The following KCNAB1 variants were observed in gnomAD, a reference collection of about 807,000 sequenced individuals.
KCNAB1 encodes voltage-gated potassium channel subunit beta-1.
In KCNAB1, 35 loss-of-function variants were observed where a neutral mutation model predicts 64.6. The observed-to-expected ratio is 0.54, with a 90% confidence interval of 0.41 to 0.72. The LOEUF is 0.72. KCNAB1 is among the 30% of genes least tolerant of loss of function. The pLI, the probability that KCNAB1 is intolerant of heterozygous loss-of-function variation, is 0.00. For synonymous variants in KCNAB1, 177 were observed against 183.8 expected (o/e 0.96, Z 0.30); for missense variants, 401 against 512.9 (o/e 0.78, Z 2.11).
chr3:156,463,753 T>G lies in KCNAB1; in HGVS notation c.527+7T>G. On this transcript the variant is annotated splice_region_variant and intron_variant, in intron 6 of 13. Coordinates refer to ENST00000490337, the MANE Select transcript of KCNAB1 (RefSeq NM_172160.3). ...AACTCTACTGGGGTGGAAAGTAAGT[T>G]ATTTTTCCTACTAAACAGAAAACAA... 1 of 1,600,244 alleles carries G rather than the reference T, an allele frequency of 6.2e-7. No homozygotes were observed. Among genetic ancestry groups the G allele is most frequent in the Middle Eastern group, 1.7e-4 (1 of 6,022 alleles).
chr3:156,240,780 A>T (rs772036148), intron 1 of KCNAB1, among the ~76,000 whole-genome samples: 6 of 152,190 alleles, frequency 3.9e-5, no homozygotes, highest in African/African-American at 1.4e-4. Flanking sequence ...GTTTCCAAGG[A>T]TCAGGCCCTG....
intron 12 of KCNAB1, among the ~76,000 whole-genome samples, chr3:156,529,502 AAAG>A (rs1325567891): frequency 6.6e-6 from 1 of 151,874 alleles, no homozygotes; most frequent in Non-Finnish European, 1.5e-5. Context: ...AAAAAAAAAA[AAAG>A]AGCATGGTCC....
In KCNAB1 at chr3:156,352,528, A is replaced by G. The variant is rs1724924373; in HGVS notation, c.276-69088A>G. Among the ~76,000 whole-genome samples the G allele has an allele frequency of 2.0e-5, 3 of 152,122 alleles. No individual in the cohort carries two copies. In the South Asian group the frequency reaches 6.2e-4, roughly 32 times the overall value. On this transcript the variant is annotated intron_variant, in intron 1 of 13. Coordinates refer to ENST00000490337, the MANE Select transcript of KCNAB1 (RefSeq NM_172160.3). The stretch of plus-strand genomic sequence containing the variant: ...GGACTTTGGAGCTCATCCACTCCCA[A>G]TCCTCAGCTATGTTTGGGTCTTTCT...
chr3:156,227,129 C>G (rs1716225927), intron 1 of KCNAB1, among the ~76,000 whole-genome samples: 1 of 152,180 alleles, frequency 6.6e-6, no homozygotes, highest in South Asian at 2.1e-4. Context: ...CTAACTACTT[C>G]TTCGTCACAA....
At chr3:156,484,370 AGAG>A (rs1360241870) in intron 8 of KCNAB1, among the ~76,000 whole-genome samples, 4 of 151,524 alleles carry the variant, frequency 2.6e-5, no homozygotes, top group Non-Finnish European at 5.9e-5. Context: ...TTAAGAAAAA[AGAG>A]AGAGAGAGAG....
intron 1 of KCNAB1, among the ~76,000 whole-genome samples, chr3:156,188,709 T>G (rs1052256325): frequency 6.6e-6 from 1 of 152,372 alleles, no homozygotes; most frequent in Admixed American, 6.5e-5. Flanking sequence ...TAAAATATAC[T>G]TAACAACGTA....
chr3:156,171,159 A>G (rs1711953004), intron 1 of KCNAB1, among the ~76,000 whole-genome samples: 1 of 148,350 alleles, frequency 6.7e-6, no homozygotes, highest in Non-Finnish European at 1.5e-5. Flanking sequence ...GTCAACTCTG[A>G]GCACCGGCTT....
rs554792552 is a variant in KCNAB1, at chr3:156,393,623, T to C, written c.276-27993T>C. Among the ~76,000 whole-genome samples the C allele has an allele frequency of 3.9e-5, 6 of 152,336 alleles. No homozygotes were observed. In the South Asian group the frequency reaches 1.2e-3, roughly 32 times the overall value. ...GAGAGTCCTGCTTCCTATGCTACTA[T>C]TCTTGCATGGCACATCAGTGAACAC... On this transcript the variant is annotated intron_variant, in intron 1 of 13. Transcript: ENST00000490337.
At chr3:156,435,421 G>A (rs1053224129) in intron 2 of KCNAB1, among the ~76,000 whole-genome samples, 18 of 152,160 alleles carry the variant, frequency 1.2e-4, no homozygotes, top group Non-Finnish European at 2.5e-4. Flanking sequence ...TTTACACTGT[G>A]TCAGTCTCTA....
At chr3:156,511,693 A>G (rs1434732609) in intron 8 of KCNAB1, among the ~76,000 whole-genome samples, 1 of 147,912 alleles carries the variant, frequency 6.8e-6, no homozygotes, top group African/African-American at 2.5e-5. Flanking sequence ...GAATACAACA[A>G]TACCTTCCTC....
chr3:156,166,706 T>C (rs1319874158), intron 1 of KCNAB1, among the ~76,000 whole-genome samples: 2 of 152,328 alleles, frequency 1.3e-5, no homozygotes, highest in East Asian at 1.9e-4. Flanking sequence ...TTTGTGGTAA[T>C]TGCACTATTG....
At chr3:156,169,351 C>G (rs559923663) in intron 1 of KCNAB1, among the ~76,000 whole-genome samples, 1 of 152,190 alleles carries the variant, frequency 6.6e-6, no homozygotes, top group East Asian at 1.9e-4. Context: ...AAACCATATG[C>G]AATGTTATGT....
chr3:156,290,193 C>T (rs553193443), intron 1 of KCNAB1, among the ~76,000 whole-genome samples: 64 of 152,342 alleles, frequency 4.2e-4, no homozygotes, highest in African/African-American at 1.4e-3. Context: ...TGCCTTCCAA[C>T]ATTGTTAGTC....
chr3:156,354,524 A>G (rs1003093633), intron 1 of KCNAB1, among the ~76,000 whole-genome samples: 2 of 152,106 alleles, frequency 1.3e-5, no homozygotes, highest in Non-Finnish European at 2.9e-5. Context: ...AATTAAAAAC[A>G]TCAATTACCC....
chr3:156,323,777 C>A (rs1341372998), intron 1 of KCNAB1, among the ~76,000 whole-genome samples: 1 of 152,176 alleles, frequency 6.6e-6, no homozygotes, highest in Non-Finnish European at 1.5e-5. Flanking sequence ...CCCAAACAAT[C>A]TTTCCATCTT....
intron 8 of KCNAB1, among the ~76,000 whole-genome samples, chr3:156,497,373 C>T (rs1393852289): frequency 1.3e-5 from 2 of 152,170 alleles, no homozygotes; most frequent in Non-Finnish European, 2.9e-5. Context: ...CTGGATTTAC[C>T]AGCAGAAAAT....
intron 1 of KCNAB1, among the ~76,000 whole-genome samples, chr3:156,295,398 A>G (rs1464313946): frequency 1.3e-5 from 2 of 152,216 alleles, no homozygotes; most frequent in Non-Finnish European, 1.5e-5. Flanking sequence ...GCCAACTAAT[A>G]TAACAGCCTA....
intron 1 of KCNAB1, among the ~76,000 whole-genome samples, chr3:156,246,448 C>CA (rs1335959754): frequency 6.6e-6 from 1 of 151,870 alleles, no homozygotes; most frequent in African/African-American, 2.4e-5. Flanking sequence ...ACTAGAAATA[C>CA]AAAAATTAGC....
chr3:156,444,328 A>C (rs1456871932), intron 2 of KCNAB1, among the ~76,000 whole-genome samples: 1 of 152,248 alleles, frequency 6.6e-6, no homozygotes, highest in Non-Finnish European at 1.5e-5. Context: ...TCATATCTGC[A>C]GAATAAGAAT....
Sources: gnomAD v4.1 joint callset for allele counts (sites outside exome capture counted in the v4.1 genomes callset) on GRCh38, gnomAD v4.1.1 for gene constraint, MANE v1.5 for transcripts, NCBI Gene and HGNC (gene_info 2026-07-23, HGNC 2026-07-21) for gene names.